PROM2: variants seen among roughly 807,000 people sequenced by gnomAD.
PROM2 encodes the protein prominin 2.
A neutral mutation model predicts 110.2 loss-of-function variants in PROM2; 90 were observed. The ratio of observed to expected loss-of-function variants is 0.82; its 90% CI spans 0.69 to 0.97. The LOEUF is 0.97. PROM2 is among the 50% of genes least tolerant of loss of function. The pLI is 0.00. For synonymous variants in PROM2, 470 were observed against 467.8 expected (o/e 1.00, Z -0.06); for missense variants, 1,009 against 1,074.8 (o/e 0.94, Z 0.86).
Position 95,279,881 on chromosome 2 carries a change from A to C in PROM2, c.1311A>C (p.Leu437=). Reference sequence around the variant, plus strand: ...GCTGCGTGCTGTGCTCCGTGGTCCTATTCGTGGTGCTCTGCAACCTGCTGG... The same window carrying C: ...GCTGCGTGCTGTGCTCCGTGGTCCTCTTCGTGGTGCTCTGCAACCTGCTGG... ...IVGCVLCSVV[L]FVVLCNLLGL... The change falls in exon 11 of 24, where the codon CTA becomes CTC. Residue 437 remains leucine, a synonymous_variant. Transcript: ENST00000317620. 6.5e-7 allele frequency: 1 copy of C among 1,546,882 alleles called. No homozygotes were observed. The highest frequency in any genetic ancestry group is 8.7e-7 in the Non-Finnish European group (1 of 1,143,758).
At chr2:95,274,859 C>G in intron 1 of PROM2, 30 bp downstream of exon 1, 1 of 1,511,004 alleles carries the variant, frequency 6.6e-7, no homozygotes, top group Non-Finnish European at 8.9e-7. Flanking sequence ...ATGAGGGCCT[C>G]AGCATTTGGG....
chr2:95,277,188 A>G, intron 6 of PROM2, 127 bp downstream of exon 6: 1 of 1,124,252 alleles, frequency 8.9e-7, no homozygotes, highest in South Asian at 1.6e-5. Flanking sequence ...CCATCGCTGT[A>G]CCCCAGGATC....
chr2:95,287,321 A>G, intron 19 of PROM2, 75 bp from the exon 20 acceptor site: 1 of 1,222,396 alleles, frequency 8.2e-7, no homozygotes, highest in Non-Finnish European at 1.2e-6. Flanking sequence ...GTTGCCAGGC[A>G]TGGGGGGTGG....
chr2:95,288,790 C>A, intron 22 of PROM2, 143 bp from the exon 23 acceptor site: 2 of 894,286 alleles, frequency 2.2e-6, no homozygotes, highest in Non-Finnish European at 3.7e-6. Context: ...TTGCTGCATC[C>A]ATTTGGGCGC....
rs1246470885 is a variant in PROM2 at position 95,291,218 on chromosome 2, T to C, written c.*2005T>C. ...TTTGCTTTTCCTAGAGGTTTTTTTTTTGCTTGTTACTCATCTGTTGACCTA... is the reference window on the plus strand; with the variant it reads ...TTTGCTTTTCCTAGAGGTTTTTTTTCTGCTTGTTACTCATCTGTTGACCTA... On this transcript the variant is annotated 3_prime_UTR_variant, in exon 24 of 24. Coordinates refer to ENST00000317620, the MANE Select transcript of PROM2 (RefSeq NM_001165978.3). 6.6e-6 allele frequency: 1 copy of C among 152,174 alleles called. No homozygotes were observed. Among genetic ancestry groups the C allele is most frequent in the Non-Finnish European group, 1.5e-5 (1 of 68,024 alleles). The allele number at this position is 152,174 out of a possible 1,614,324, so 9.4% of individuals were successfully genotyped here.
chr2:95,285,487 A>G, intron 15 of PROM2, 152 bp from the exon 16 acceptor site: 1 of 646,102 alleles, frequency 1.5e-6, no homozygotes, highest in East Asian at 2.8e-5. Context: ...TCACAGTTCC[A>G]GGGAAAACTC....
chr2:95,276,703 C>A lies in PROM2; in HGVS notation c.682+46C>A, dbSNP rs1040026655. 6.2e-7 allele frequency: 1 copy of A among 1,601,912 alleles called. No homozygotes were observed. Among genetic ancestry groups the A allele is most frequent in the Non-Finnish European group, 8.5e-7 (1 of 1,171,108 alleles). ...CAGGTGGGCTGGCTCCTTCCAGGGC[C>A]CCTGCTCGGGTGCCTCGGTGGGGGC... On this transcript the variant is annotated intron_variant, in intron 5 of 23. Coordinates refer to ENST00000317620, the MANE Select transcript of PROM2 (RefSeq NM_001165978.3). This position sits in a 1 kb window ranked among gnomAD's most constrained non-coding sequence, Gnocchi z 4.6.
At chr2:95,278,216 TG>T in intron 8 of PROM2, 1 of 595,750 alleles carries the variant, frequency 1.7e-6, no homozygotes, top group African/African-American at 1.9e-5. Flanking sequence ...GGCAGGCGTC[TG>T]GGGGTGGCAA....
In PROM2 at chr2:95,286,848, G is replaced by T. The variant is rs375459779; in HGVS notation, c.2085G>T (p.Pro695=). 6.2e-7 allele frequency: 1 copy of T among 1,613,730 alleles called. No homozygotes were observed. The highest frequency in any genetic ancestry group is 8.5e-7 in the Non-Finnish European group (1 of 1,179,964). The change falls in exon 18 of 24, where the codon CCG becomes CCT. Residue 695 remains proline (P), a synonymous_variant. Transcript: ENST00000317620. ...LSVRALESSA[P]NLQLETSDVL... ...TCAGGGCCCTGGAGTCCTCTGCCCC[G>T]AATCTCCAGGTGGCTGCTGTTGGTG... is the stretch of plus-strand genomic sequence containing the variant.
At chr2:95,281,214 C>G (rs2104112071) in intron 11 of PROM2, 28 bp from the exon 12 acceptor site, 1 of 1,608,306 alleles carries the variant, frequency 6.2e-7, no homozygotes, top group East Asian at 2.2e-5. Flanking sequence ...CCCTGCTGTC[C>G]CTCAGTCCTG....
rs748786607 is a variant in PROM2 at position 95,275,912 on chromosome 2, G to C, written c.295-18G>C. The C allele has an allele frequency of 1.6e-5, 26 of 1,601,012 alleles. No individual in the cohort carries two copies. The highest frequency in any genetic ancestry group is 2.2e-5 in the Non-Finnish European group (26 of 1,175,538). On this transcript the variant is annotated intron_variant, in intron 2 of 23. Coordinates refer to ENST00000317620, the MANE Select transcript of PROM2 (RefSeq NM_001165978.3). This position sits in a 1 kb window ranked among gnomAD's most constrained non-coding sequence, Gnocchi z 4.4. ...CAGTGGGGGTCGGGTCACCCCTCAT[G>C]CCCTGCTGCCTGCCCAGGTGGTGCG...
Position 95,289,227 on chromosome 2 carries a change from G to C in PROM2, c.*14G>C. The stretch of plus-strand genomic sequence containing the variant: ...TTTCCTTCTTAATCCCTGACAGGGT[G>C]AGGTGACCCTGAGGCTGCCTGTCCT... On this transcript the variant is annotated 3_prime_UTR_variant, in exon 24 of 24. Transcript: ENST00000317620. 1.7e-6 allele frequency: 1 copy of C among 577,358 alleles called. No homozygotes were observed. The allele number at this position is 577,358 out of a possible 1,614,324, so 35.8% of individuals were successfully genotyped here. A position where few individuals can be genotyped will look rare whatever the true frequency, so the allele number is the denominator to read the frequency against.
Position 95,276,570 on chromosome 2 carries a change from C to T in PROM2, c.619-24C>T, listed in dbSNP as rs749750932. 1.3e-5 allele frequency: 21 copies of T among 1,613,928 alleles called. No homozygotes were observed. Among genetic ancestry groups the T allele is most frequent in the South Asian group, 4.4e-5 (4 of 91,068 alleles). On this transcript the variant is annotated intron_variant, in intron 4 of 23. Transcript: ENST00000317620. The surrounding 1 kb of genome is among the most constrained non-coding windows in gnomAD (Gnocchi z 4.6). ...GACTGTGGGTGACCAGGAAGGGCAG[C>T]CTCAGGGCCTTGTGTTTGCCTAGGA...
intron 19 of PROM2, 28 bp downstream of exon 19, chr2:95,287,241 GCT>G: frequency 6.2e-7 from 1 of 1,606,050 alleles, no homozygotes; most frequent in Non-Finnish European, 8.5e-7. Flanking sequence ...CAGGGAAGGG[GCT>G]TCCACCCCAG....
In PROM2 at chr2:95,287,199, A is replaced by G; in HGVS notation, c.2161A>G (p.Arg721Gly). The change falls in exon 19 of 24, where the codon AGG (arginine) becomes GGG (glycine). Residue 721 changes from arginine (R) to glycine (G), a missense_variant. By Grantham distance (125) the Arg-to-Gly change is moderately radical (BLOSUM62 -2). Coordinates refer to ENST00000317620, the MANE Select transcript of PROM2 (RefSeq NM_001165978.3). ...AGGAGAGCTGCCTGCCTGGGCAGCC[A>G]GGATCCTGAGGAATGTGAGTGGTGG... The part of the protein sequence containing the change: ...LKGELPAWAA[R>G]ILRNVSECFL... 1.2e-6 allele frequency: 2 copies of G among 1,613,742 alleles called. No homozygotes were observed. Among genetic ancestry groups the G allele is most frequent in the Non-Finnish European group, 1.7e-6 (2 of 1,179,832 alleles).
At chr2:95,287,511 C>G (rs759937210) in intron 20 of PROM2, 47 bp downstream of exon 20, 1 of 1,586,798 alleles carries the variant, frequency 6.3e-7, no homozygotes, top group Non-Finnish European at 8.6e-7. Flanking sequence ...CTCCATCGGA[C>G]CAGCTGTTCA....
rs776101081 is a variant in PROM2 at position 95,286,536 on chromosome 2, C to A, written c.2005C>A (p.His669Asn). 1 of 1,613,820 alleles carries A rather than the reference C, an allele frequency of 6.2e-7. No individual in the cohort carries two copies. Among genetic ancestry groups the A allele is most frequent in the South Asian group, 1.1e-5 (1 of 91,058 alleles). Residue 669 changes from histidine (H) to asparagine (N), a missense_variant, in exon 17 of 24, where the codon CAC (histidine) becomes AAC (asparagine). His to Asn is a moderately conservative substitution (Grantham distance 68, BLOSUM62 1). Coordinates refer to ENST00000317620, the MANE Select transcript of PROM2 (RefSeq NM_001165978.3). ...GGAGGCCCAAGGACTCAGAAACCTT[C>A]ACCAGGAGAAGGTCGTCCCCCAGCA... ...QEEAQGLRNL[H>N]QEKVVPQQSL...
intron 11 of PROM2, 46 bp downstream of exon 11, chr2:95,280,043 G>T: frequency 7.3e-7 from 1 of 1,361,698 alleles, no homozygotes. Flanking sequence ...TTATAGGGCT[G>T]GCTGATTACT....
chr2:95,288,250 G>A lies in PROM2; in HGVS notation c.2284G>A (p.Ala762Thr), dbSNP rs1237494902. ...TGCCACCTGCCAGCCCCTCTCCGGA[G>A]CCCTGGACAACAGCCGTGTGATCCT... ...RIATCQPLSG[A>T]LDNSRVILCD... The change falls in exon 21 of 24, where the codon GCC becomes ACC. Residue 762 changes from alanine to threonine, a missense_variant. Transcript: ENST00000317620. 3 of 1,614,062 alleles carry A rather than the reference G, an allele frequency of 1.9e-6. No homozygotes were observed. In the South Asian group the frequency reaches 3.3e-5, roughly 18 times the overall value.
Sources: allele counts gnomAD v4.1 joint callset, GRCh38; gene constraint gnomAD v4.1.1; non-coding constraint Gnocchi (gnomAD v3.1); transcripts MANE v1.5; gene names NCBI Gene and HGNC (gene_info 2026-07-23, HGNC 2026-07-21).